NT5E: variants seen among roughly 807,000 people sequenced by gnomAD.
NT5E encodes 5'-nucleotidase ecto.
Under a neutral mutation model 55.1 loss-of-function variants are expected in NT5E, and 53 were observed. The observed-to-expected ratio is 0.96, with a 90% CI of 0.77 to 1.21. NT5E has a LOEUF of 1.21. NT5E is among the 50% of genes most tolerant of loss of function. The pLI is 0.00. For synonymous variants in NT5E, 270 were observed against 278.4 expected (o/e 0.97, Z 0.30); for missense variants, 683 against 724.3 (o/e 0.94, Z 0.65).
In NT5E at chr6:85,495,354, C is replaced by T. The variant is rs1769869923; in HGVS notation, c.*1350C>T. 1 of 152,188 alleles carries T rather than the reference C, an allele frequency of 6.6e-6. No individual in the cohort carries two copies. Among genetic ancestry groups the T allele is most frequent in the South Asian group, 2.1e-4 (1 of 4,828 alleles). 9.4% of individuals were successfully genotyped at this position (152,188 alleles called of 1,614,324 possible). On this transcript the variant is annotated 3_prime_UTR_variant, in exon 9 of 9. Coordinates refer to ENST00000257770, the MANE Select transcript of NT5E (RefSeq NM_002526.4). ...AACCACATGAGCCTGCTCAGCTCTG[C>T]ATAAGTAATTCAAGAAATGGGAGGC...
chr6:85,464,794 G>T (rs989991053), intron 1 of NT5E, among the ~76,000 whole-genome samples: 1 of 152,198 alleles, frequency 6.6e-6, no homozygotes, highest in Non-Finnish European at 1.5e-5. Flanking sequence ...ATGGAAACTG[G>T]AGCATTTAGG....
Position 85,466,330 on chromosome 6 carries a change from C to T in NT5E, c.340-730C>T, listed in dbSNP as rs557699019. Among the ~76,000 whole-genome samples the T allele has an allele frequency of 2.0e-5, 3 of 152,280 alleles. No homozygotes were observed. The South Asian group carries it at 6.2e-4, about 32-fold the overall frequency. On this transcript the variant is annotated intron_variant, in intron 1 of 8. Coordinates refer to ENST00000257770, the MANE Select transcript of NT5E (RefSeq NM_002526.4). The stretch of plus-strand genomic sequence containing the variant: ...CATCCCTGCTCCTCCTGAAGCCCTG[C>T]GCTGGGAGCAGGTACAGAACCCGCT...
chr6:85,467,620 T>G (rs1230526546), intron 2 of NT5E, among the ~76,000 whole-genome samples: 2 of 152,154 alleles, frequency 1.3e-5, no homozygotes, highest in African/African-American at 4.8e-5. Context: ...TCACTGCCCT[T>G]CTCCTGTGGA....
At chr6:85,456,896 C>T (rs1769002009) in intron 1 of NT5E, among the ~76,000 whole-genome samples, 1 of 152,134 alleles carries the variant, frequency 6.6e-6, no homozygotes, top group Non-Finnish European at 1.5e-5. Context: ...CCTCCATTTC[C>T]ACATGTGTGA....
chr6:85,455,535 C>T (rs879384863), intron 1 of NT5E, among the ~76,000 whole-genome samples: 2 of 152,216 alleles, frequency 1.3e-5, no homozygotes, highest in African/African-American at 2.4e-5. Flanking sequence ...CTTGGCCTAT[C>T]CATTCTTCAC....
rs1395794440 is a variant in NT5E, at chr6:85,485,417, AGC to A, written c.935_936del (p.Ser312LysfsTer4). ...CCATGGAAATCCCATTCTTCTAAAC[AGC>A]AGCATTCCTGAAGGTAAGTGAAGTT... is the stretch of plus-strand genomic sequence containing the variant. ...SSHGNPILLN[S>X]SIPEDPSIKA... On this transcript the variant is annotated frameshift_variant, in exon 4 of 9. Transcript: ENST00000257770. LOFTEE classifies it high-confidence loss of function. 1.2e-6 allele frequency: 2 copies of A among 1,614,212 alleles called. No homozygotes were observed. Among genetic ancestry groups the A allele is most frequent in the Non-Finnish European group, 1.7e-6 (2 of 1,180,002 alleles).
At chr6:85,453,347 T>C (rs911559379) in intron 1 of NT5E, among the ~76,000 whole-genome samples, 1 of 152,194 alleles carries the variant, frequency 6.6e-6, no homozygotes, top group African/African-American at 2.4e-5. Flanking sequence ...TGGTGCTCAC[T>C]GAAAGTGAGT....
chr6:85,479,679 A>G (rs1769502669), intron 3 of NT5E, among the ~76,000 whole-genome samples: 1 of 152,168 alleles, frequency 6.6e-6, no homozygotes, highest in Non-Finnish European at 1.5e-5. Flanking sequence ...CTCAAGAAAT[A>G]AAGTCATTAC....
chr6:85,478,021 T>G, intron 3 of NT5E, among the ~76,000 whole-genome samples: 1 of 141,314 alleles, frequency 7.1e-6, no homozygotes, highest in African/African-American at 2.9e-5. Flanking sequence ...AGAGAGACCT[T>G]GTCTCAAAAA....
intron 6 of NT5E, 122 bp from the exon 7 acceptor site, chr6:85,490,386 T>C: frequency 8.8e-7 from 1 of 1,140,686 alleles, no homozygotes; most frequent in Non-Finnish European, 1.3e-6. Flanking sequence ...ACATAGCTAA[T>C]GATGCTCTAT....
intron 3 of NT5E, among the ~76,000 whole-genome samples, chr6:85,484,945 C>T (rs994972822): frequency 6.6e-6 from 1 of 152,220 alleles, no homozygotes; most frequent in Non-Finnish European, 1.5e-5. Flanking sequence ...CTGGAGGATA[C>T]TCTTCACGGC....
At chr6:85,482,206 C>G (rs561413404) in intron 3 of NT5E, among the ~76,000 whole-genome samples, 1 of 152,246 alleles carries the variant, frequency 6.6e-6, no homozygotes, top group South Asian at 2.1e-4. Flanking sequence ...CCATTGAAAA[C>G]CACATCAGGC....
At chr6:85,487,108 T>G (rs2127724715) in intron 4 of NT5E, among the ~76,000 whole-genome samples, 1 of 152,344 alleles carries the variant, frequency 6.6e-6, no homozygotes, top group African/African-American at 2.4e-5. Context: ...TGTGATGAGC[T>G]GGTAGATGTT....
intron 1 of NT5E, among the ~76,000 whole-genome samples, chr6:85,464,634 C>G (rs986873401): frequency 6.6e-6 from 1 of 152,128 alleles, no homozygotes; most frequent in Non-Finnish European, 1.5e-5. Flanking sequence ...AGACCTAAGG[C>G]AGAGAGTGCC....
At chr6:85,485,513 T>A in intron 4 of NT5E, 81 bp downstream of exon 4, 1 of 1,369,958 alleles carries the variant, frequency 7.3e-7, no homozygotes, top group Non-Finnish European at 1.0e-6. Context: ...TTTTTTCCTT[T>A]AATGTTTCAG....
At chr6:85,462,882 C>T (rs148426422) in intron 1 of NT5E, among the ~76,000 whole-genome samples, 1 of 152,246 alleles carries the variant, frequency 6.6e-6, no homozygotes, top group Non-Finnish European at 1.5e-5. Flanking sequence ...CACAGCCTGG[C>T]ACTCCAGTAG....
At chr6:85,469,205 G>C (rs892381881) in intron 2 of NT5E, among the ~76,000 whole-genome samples, 1 of 152,172 alleles carries the variant, frequency 6.6e-6, no homozygotes, top group East Asian at 1.9e-4. Flanking sequence ...GCCATGCTTT[G>C]TATATATGGG....
intron 1 of NT5E, among the ~76,000 whole-genome samples, chr6:85,463,457 A>G (rs1346700923): frequency 6.6e-6 from 1 of 152,232 alleles, no homozygotes; most frequent in East Asian, 1.9e-4. Flanking sequence ...TAGAAATCAC[A>G]TACCTAAACT....
At chr6:85,456,674 G>C (rs1768997834) in intron 1 of NT5E, among the ~76,000 whole-genome samples, 1 of 152,158 alleles carries the variant, frequency 6.6e-6, no homozygotes, top group African/African-American at 2.4e-5. Flanking sequence ...AAGAGGGTGA[G>C]GAAAGAGGCC....
Sources: gnomAD v4.1 joint callset for allele counts (sites outside exome capture counted in the v4.1 genomes callset) on GRCh38, gnomAD v4.1.1 for gene constraint, MANE v1.5 for transcripts, NCBI Gene and HGNC (gene_info 2026-07-23, HGNC 2026-07-21) for gene names.